Variants in LETM1 observed in about 807,000 individuals in gnomAD.
LETM1 encodes leucine zipper and EF-hand containing transmembrane protein 1, also known as mitochondrial proton/calcium exchanger protein.
A neutral mutation model predicts 74.5 loss-of-function variants in LETM1; 50 were observed. The ratio of observed to expected loss-of-function variants is 0.67; its 90% confidence interval spans 0.53 to 0.85. The LOEUF is 0.85. Ranked by LOEUF, LETM1 falls within the 40% of genes least tolerant of loss-of-function variation. The probability of loss-of-function intolerance (pLI) is 0.00; values close to 1 mark genes in which losing one functional copy is unlikely to be tolerated. For synonymous variants in LETM1, 446 were observed against 407.1 expected (o/e 1.10, Z -1.15); for missense variants, 824 against 967.8 (o/e 0.85, Z 1.97).
At chr4:1,846,868 G>C (rs929377989) in intron 2 of LETM1, among the ~76,000 whole-genome samples, 1 of 152,094 alleles carries the variant, frequency 6.6e-6, no homozygotes, top group African/African-American at 2.4e-5. Flanking sequence ...AACTAAACCT[G>C]GGCTGCTACA....
At position 1,855,898 on chromosome 4, in the gene LETM1, G is replaced by C. The variant is rs769399334; in HGVS notation, c.53C>G (p.Pro18Arg). Residue 18 changes from proline (P) to arginine (R), a missense_variant, in exon 1 of 14, where the codon CCG becomes CGG. Around this residue, in one of 4 missense-constraint regions of LETM1, gnomAD observed 222 missense variants for 195.6 expected, o/e 1.14. Coordinates refer to ENST00000302787, the MANE Select transcript of LETM1 (RefSeq NM_012318.3). ...CGGGACGGTGTACCGAGGCGGCGGC[G>C]GGAGGCGGGCGGGCGCCCGGCCGCG... Reference protein sequence around the residue: ...SCRGRAPARLPPPPRYTVPRG... With the variant: ...SCRGRAPARLRPPPRYTVPRG... The C allele has an allele frequency of 2.0e-4, 254 of 1,240,356 alleles. 1 individual carries two copies. The highest frequency in any genetic ancestry group is 5.1e-5 in the Non-Finnish European group (51 of 995,144). The allele number at this position is 1,240,356 out of a possible 1,614,324, so 76.8% of individuals were successfully genotyped here.
chr4:1,849,598 C>T (rs1713000681), intron 1 of LETM1, among the ~76,000 whole-genome samples: 1 of 152,102 alleles, frequency 6.6e-6, no homozygotes, highest in Non-Finnish European at 1.5e-5. Flanking sequence ...TTGACTTTGC[C>T]CAGGCTGGAA....
At chr4:1,815,855 GCCT>G (rs1711554155) in intron 12 of LETM1, 53 bp from the exon 13 acceptor site, 25 of 1,600,752 alleles carry the variant, frequency 1.6e-5, no homozygotes, top group Non-Finnish European at 2.0e-5. Flanking sequence ...GCCACACAGG[GCCT>G]CACTGCCCAC....
In LETM1 at chr4:1,836,584, G is replaced by A. The variant is rs367630641; in HGVS notation, c.595-12C>T. ...CAGATCCGGAGAAACTGGAAGGGGC[G>A]GAATCCATCAGAGGGGAGCAGAGCA... On this transcript the variant is annotated splice_polypyrimidine_tract_variant and intron_variant, in intron 3 of 13. Coordinates refer to ENST00000302787, the MANE Select transcript of LETM1 (RefSeq NM_012318.3). The surrounding 1 kb of genome is among the most constrained non-coding windows in gnomAD (Gnocchi z 5.8). 47 of 1,613,294 alleles carry A rather than the reference G, an allele frequency of 2.9e-5. No homozygotes were observed. The highest frequency in any genetic ancestry group is 2.6e-4 in the South Asian group (24 of 91,052).
intron 10 of LETM1, among the ~76,000 whole-genome samples, chr4:1,821,571 C>T (rs1229918257): frequency 6.6e-6 from 1 of 152,112 alleles, no homozygotes; most frequent in African/African-American, 2.4e-5. Context: ...CGCCTGTACT[C>T]CCAGATATTG....
At chr4:1,835,068 C>T in intron 4 of LETM1, 86 bp from the exon 5 acceptor site, 1 of 1,321,650 alleles carries the variant, frequency 7.6e-7, no homozygotes. Context: ...GCCCGACCCC[C>T]ACTCCCAGAA....
At chr4:1,835,082 T>C in intron 4 of LETM1, 100 bp from the exon 5 acceptor site, 2 of 1,115,118 alleles carry the variant, frequency 1.8e-6, no homozygotes, top group South Asian at 1.5e-5. Context: ...CCCAGAAACA[T>C]TTCACAACAC....
chr4:1,828,610 C>A (rs1206880824), intron 6 of LETM1, among the ~76,000 whole-genome samples: 1 of 126,658 alleles, frequency 7.9e-6, no homozygotes, highest in Non-Finnish European at 1.6e-5. Flanking sequence ...AGAGGGGCTC[C>A]TCACTTCCCA....
In LETM1 at chr4:1,825,615, G is replaced by C. The variant is rs755016730; in HGVS notation, c.1149C>G (p.Gly383=). 1 of 1,613,968 alleles carries C rather than the reference G, an allele frequency of 6.2e-7. No individual in the cohort carries two copies. Among genetic ancestry groups the C allele is most frequent in the Non-Finnish European group, 8.5e-7 (1 of 1,179,926 alleles). ...KELQAACRAR[G]MRALGVTEDR... ...CTTCCGTGACGCCCAGGGCCCGCAT[G>C]CCTCGTGCCCGACACGCTGCCTGCA... The change falls in exon 7 of 14, where the codon GGC becomes GGG. Residue 383 remains glycine (G), a synonymous_variant. Transcript: ENST00000302787.
At chr4:1,845,027 T>C (rs1343530217) in intron 2 of LETM1, among the ~76,000 whole-genome samples, 3 of 151,248 alleles carry the variant, frequency 2.0e-5, no homozygotes, top group Non-Finnish European at 4.4e-5. Context: ...CCGTCTTTAC[T>C]AAAAGTACAA....
At chr4:1,825,251 G>A (rs1262043768) in intron 7 of LETM1, among the ~76,000 whole-genome samples, 1 of 152,256 alleles carries the variant, frequency 6.6e-6, no homozygotes, top group African/African-American at 2.4e-5. Context: ...CATCTCAGAG[G>A]TGAACTCCAG....
chr4:1,847,971 G>C (rs1320143285), intron 2 of LETM1, among the ~76,000 whole-genome samples: 1 of 151,312 alleles, frequency 6.6e-6, no homozygotes, highest in Admixed American at 6.6e-5. Context: ...ATTCCAGCTT[G>C]GTGACAGCGC....
In LETM1 at chr4:1,846,016, C is replaced by T. The variant is rs549522076; in HGVS notation, c.143+3133G>A. 7.3e-5 allele frequency among the ~76,000 whole-genome samples: 11 copies of T among 151,606 alleles called. No homozygotes were observed. In the East Asian group the frequency reaches 2.1e-3, roughly 29 times the overall value. Reference sequence around the variant, plus strand: ...GGGACTACAGGCGCGCACCATCACACCCAGTTATTTTTGTATTTTTAGTAG... The same window carrying T: ...GGGACTACAGGCGCGCACCATCACATCCAGTTATTTTTGTATTTTTAGTAG... On this transcript the variant is annotated intron_variant, in intron 2 of 13. Transcript: ENST00000302787.
rs141069792 is a variant in LETM1, at chr4:1,847,296, G to A, written c.143+1853C>T. On this transcript the variant is annotated intron_variant, in intron 2 of 13. Transcript: ENST00000302787. ...ATCAAAGCTGCAGTGAGCCATGATT[G>A]CACCACTGCACTCTAGCCTGGGCAA... 5.8e-3 allele frequency among the ~76,000 whole-genome samples: 880 copies of A among 151,284 alleles called. 18 individuals are homozygous for A. Among genetic ancestry groups the A allele is most frequent in the Non-Finnish European group, 6.5e-3 (443 of 67,908 alleles).
chr4:1,828,330 A>G (rs1418263675), intron 6 of LETM1, among the ~76,000 whole-genome samples: 2 of 32,428 alleles, frequency 6.2e-5, no homozygotes, highest in Non-Finnish European at 1.1e-4. Flanking sequence ...AGGGGGGCTG[A>G]CCCCCCCCAC....
chr4:1,831,328 G>A (rs1449689460), intron 6 of LETM1, among the ~76,000 whole-genome samples: 2 of 152,244 alleles, frequency 1.3e-5, no homozygotes, highest in East Asian at 3.8e-4. Context: ...AGACATCTGC[G>A]GGACAGCGGT....
intron 7 of LETM1, 81 bp from the exon 8 acceptor site, chr4:1,823,856 A>G: frequency 6.9e-7 from 1 of 1,444,950 alleles, no homozygotes; most frequent in South Asian, 1.3e-5. Flanking sequence ...TCTCATCACC[A>G]GAATAGCTCT....
chr4:1,834,961 G>A lies in LETM1; in HGVS notation c.760C>T (p.Leu254Phe). Reference sequence around the variant, plus strand: ...TTGGCCAGCTCCAGCTTGACCCGAAGCTCCTTCTTCAGCCTCTCCTCCTGC... The same window carrying A: ...TTGGCCAGCTCCAGCTTGACCCGAAACTCCTTCTTCAGCCTCTCCTCCTGC... ...SLKEERLKKELRVKLELAKFL... is the reference protein window; with the variant it reads ...SLKEERLKKEFRVKLELAKFL... The change falls in exon 5 of 14, where the codon CTT becomes TTT. Residue 254 changes from leucine (L) to phenylalanine (F), a missense_variant. By Grantham distance (22) the Leu-to-Phe change is conservative. This residue lies in a region of LETM1 where 269 missense variants were observed against 348.8 expected (regional missense o/e 0.77). Transcript: ENST00000302787. This position sits in a 1 kb window ranked among gnomAD's most constrained non-coding sequence, Gnocchi z 5.0. 1 of 1,614,038 alleles carries A rather than the reference G, an allele frequency of 6.2e-7. No homozygotes were observed. Among genetic ancestry groups the A allele is most frequent in the Non-Finnish European group, 8.5e-7 (1 of 1,179,982 alleles).
At position 1,823,748 on chromosome 4, in the gene LETM1, T is replaced by A; in HGVS notation, c.1228A>T (p.Ile410Phe). 1 of 1,612,966 alleles carries A rather than the reference T, an allele frequency of 6.2e-7. No individual in the cohort carries two copies. Among genetic ancestry groups the A allele is most frequent in the Non-Finnish European group, 8.5e-7 (1 of 1,179,546 alleles). ...GACAGGATGAGCAGCGATGTGGGGA[T>A]CTCCTGATGCAGGTGCAGGTCCAGC... Reference protein sequence around the residue: ...QWLDLHLHQEIPTSLLILSRA... With the variant: ...QWLDLHLHQEFPTSLLILSRA... Residue 410 changes from isoleucine (I) to phenylalanine (F), a missense_variant, in exon 8 of 14, where the codon ATC becomes TTC. Coordinates refer to ENST00000302787, the MANE Select transcript of LETM1 (RefSeq NM_012318.3).
Sources: allele counts gnomAD v4.1 joint callset (sites outside exome capture counted in the v4.1 genomes callset), GRCh38; gene constraint gnomAD v4.1.1; regional missense constraint gnomAD v4.1.1; non-coding constraint Gnocchi (gnomAD v3.1); transcripts MANE v1.5; gene names NCBI Gene and HGNC (gene_info 2026-07-23, HGNC 2026-07-21).